ANO2: variants seen among roughly 807,000 people sequenced by gnomAD.
ANO2 encodes the protein anoctamin-2.
In ANO2, 101 loss-of-function variants were observed where a neutral mutation model predicts 124.2. The observed-to-expected ratio is 0.81, with a 90% CI of 0.69 to 0.96. The LOEUF (loss-of-function observed/expected upper bound fraction) is 0.96. Among genes scored for constraint, ANO2 ranks in the 40% least tolerant of loss-of-function variants. The pLI is 0.00. For synonymous variants in ANO2, 486 were observed against 482.5 expected, an observed-to-expected ratio of 1.01 and a Z score of -0.09; for missense variants, 1,293 against 1,274.5, an observed-to-expected ratio of 1.01 and a Z score of -0.22.
intron 3 of ANO2, among the ~76,000 whole-genome samples, chr12:5,895,586 A>C (rs6489671): frequency 0.19 from 29,076 of 152,060 alleles, 3,053 homozygotes; most frequent in Middle Eastern, 0.28. Flanking sequence ...ACAATGAGAT[A>C]CCACCTCACT....
intron 11 of ANO2, among the ~76,000 whole-genome samples, chr12:5,745,913 C>T (rs1463843380): frequency 6.6e-6 from 1 of 152,120 alleles, no homozygotes; most frequent in Admixed American, 6.5e-5. Flanking sequence ...CCTGTGTTTG[C>T]TATGTAGTTG....
Position 5,671,233 on chromosome 12 carries a change from C to T in ANO2, c.1546-23432G>A, listed in dbSNP as rs145811877. ...GAAATATGGGGGTTCCTCAAAGTCA[C>T]TATCATCATCTGTGGACATCTGCTG... is the stretch of plus-strand genomic sequence containing the variant. On this transcript the variant is annotated intron_variant, in intron 14 of 24. Transcript: ENST00000682330. Among the ~76,000 whole-genome samples, 1,020 of 152,186 alleles carry T rather than the reference C, an allele frequency of 6.7e-3. 12 individuals carry two copies. Among genetic ancestry groups the T allele is most frequent in the African/African-American group, 0.023 (953 of 41,508 alleles).
intron 20 of ANO2, among the ~76,000 whole-genome samples, chr12:5,582,871 C>T (rs573909211): frequency 1.3e-5 from 2 of 152,270 alleles, no homozygotes; most frequent in South Asian, 4.1e-4. Flanking sequence ...TCAAACTTCG[C>T]CTTCTGTATG....
chr12:5,693,464 C>G (rs541644524), intron 14 of ANO2, among the ~76,000 whole-genome samples: 1 of 152,286 alleles, frequency 6.6e-6, no homozygotes, highest in Non-Finnish European at 1.5e-5. Context: ...GTCACCTCCC[C>G]TTGGACCACT....
At chr12:5,747,111 C>CA (rs896137504) in intron 11 of ANO2, among the ~76,000 whole-genome samples, 1 of 152,176 alleles carries the variant, frequency 6.6e-6, no homozygotes, top group African/African-American at 2.4e-5. Context: ...AAGACGAAAC[C>CA]ACGGGAGGAA....
chr12:5,833,912 C>T lies in ANO2; in HGVS notation c.634-1309G>A, dbSNP rs895482797. Reference sequence around the variant, plus strand: ...ACCACTGCTTTAGAAGACAGGCAGCCTCAGCCTTGGTCCGCCTTATCCCTT... The same window carrying T: ...ACCACTGCTTTAGAAGACAGGCAGCTTCAGCCTTGGTCCGCCTTATCCCTT... On this transcript the variant is annotated intron_variant, in intron 4 of 24. Transcript: ENST00000682330. 2.8e-4 allele frequency among the ~76,000 whole-genome samples: 43 copies of T among 152,144 alleles called. 2 individuals carry two copies. Among genetic ancestry groups the T allele is most frequent in the East Asian group, 1.9e-4 (1 of 5,194 alleles).
At chr12:5,656,802 C>G (rs11063798) in intron 14 of ANO2, among the ~76,000 whole-genome samples, 2 of 152,218 alleles carry the variant, frequency 1.3e-5, no homozygotes, top group Non-Finnish European at 2.9e-5. Context: ...AGATCCCTCT[C>G]TATGTAAGGA....
chr12:5,815,343 C>T (rs1044649856), intron 7 of ANO2, among the ~76,000 whole-genome samples: 18 of 152,136 alleles, frequency 1.2e-4, no homozygotes, highest in Non-Finnish European at 2.1e-4. Context: ...GAAATCAGAG[C>T]AGTGTGGGGC....
Position 5,667,876 on chromosome 12 carries a change from C to T in ANO2, c.1546-20075G>A, listed in dbSNP as rs1591854376. 2.0e-5 allele frequency among the ~76,000 whole-genome samples: 3 copies of T among 152,354 alleles called. No individual in the cohort carries two copies. In the South Asian group the frequency reaches 6.2e-4, roughly 32 times the overall value. ...GCTCCATCCATGTCCCTGCAAAGAACATAATAACATTCCTTTCTATGGCTG... is the reference window on the plus strand; with the variant it reads ...GCTCCATCCATGTCCCTGCAAAGAATATAATAACATTCCTTTCTATGGCTG... On this transcript the variant is annotated intron_variant, in intron 14 of 24. Coordinates refer to ENST00000682330, the MANE Select transcript of ANO2 (RefSeq NM_001364791.2).
At chr12:5,924,383 C>T (rs151152880) in intron 1 of ANO2, among the ~76,000 whole-genome samples, 308 of 152,332 alleles carry the variant, frequency 2.0e-3, no homozygotes, top group Admixed American at 5.5e-3. Context: ...CTAGTCCACA[C>T]TGTGGGAGAC....
At chr12:5,565,926 A>G (rs568225597) in intron 23 of ANO2, among the ~76,000 whole-genome samples, 26 of 152,362 alleles carry the variant, frequency 1.7e-4, no homozygotes, top group African/African-American at 6.0e-4. Context: ...CCCAAAGCTT[A>G]CTTTGGTGTC....
chr12:5,837,015 C>G (rs80259531), intron 4 of ANO2, among the ~76,000 whole-genome samples: 3,184 of 152,280 alleles, frequency 0.021, 55 homozygotes, highest in Middle Eastern at 0.034. Context: ...TCTGGAGAAC[C>G]AGCATTGATG....
Position 5,853,209 on chromosome 12 carries a change from C to T in ANO2, c.633+834G>A, listed in dbSNP as rs185249946. On this transcript the variant is annotated intron_variant, in intron 4 of 24. Transcript: ENST00000682330. ...TAGAGGTGGGGTTTTGCTATGTTGC[C>T]CAGGCTGGTCTCAAACTTCTGACTT... Among the ~76,000 whole-genome samples, 11 of 142,490 alleles carry T rather than the reference C, an allele frequency of 7.7e-5. No individual in the cohort carries two copies. The East Asian group carries it at 2.3e-3, about 30-fold the overall frequency. The allele number at this position is 142,490 out of a possible 152,430, so 93.5% of individuals were successfully genotyped here.
chr12:5,889,180 C>T lies in ANO2; in HGVS notation c.534+31860G>A, dbSNP rs111928249. Among the ~76,000 whole-genome samples the T allele has an allele frequency of 3.8e-3, 580 of 152,334 alleles. 4 individuals carry two copies. The highest frequency in any genetic ancestry group is 0.013 in the African/African-American group (549 of 41,582). ...CAAGCCCACGCCCACCCAGAACTCG[C>T]GCTGGCCCCCAAGCGCCACGCGCAG... On this transcript the variant is annotated intron_variant, in intron 3 of 24. Coordinates refer to ENST00000682330, the MANE Select transcript of ANO2 (RefSeq NM_001364791.2).
At chr12:5,616,837 G>A (rs1944832797) in intron 16 of ANO2, among the ~76,000 whole-genome samples, 1 of 151,876 alleles carries the variant, frequency 6.6e-6, no homozygotes. Flanking sequence ...AGATCAGACT[G>A]TACAACACTC....
At chr12:5,613,069 G>C in intron 17 of ANO2, 111 bp from the exon 18 acceptor site, 1 of 1,069,804 alleles carries the variant, frequency 9.3e-7, no homozygotes, top group Non-Finnish European at 1.4e-6. Context: ...CGAAAGCACT[G>C]GTCAGGGCGA....
intron 10 of ANO2, among the ~76,000 whole-genome samples, chr12:5,775,277 A>ACG (rs1220721696): frequency 4.6e-5 from 7 of 152,144 alleles, no homozygotes; most frequent in Admixed American, 2.0e-4. Context: ...ACGTGCACAC[A>ACG]CACAGAGAGA....
At chr12:5,813,019 AG>A (rs1449984170) in intron 7 of ANO2, among the ~76,000 whole-genome samples, 65 of 151,142 alleles carry the variant, frequency 4.3e-4, no homozygotes, top group Non-Finnish European at 4.0e-4. Context: ...AGAGAGAGAA[AG>A]AAAAAAAGAA....
intron 1 of ANO2, among the ~76,000 whole-genome samples, chr12:5,933,281 C>T (rs1189547237): frequency 6.6e-6 from 1 of 152,198 alleles, no homozygotes; most frequent in Non-Finnish European, 1.5e-5. Flanking sequence ...CCTGCAGCTC[C>T]CAGAAGGTGA....
Sources: allele counts gnomAD v4.1 joint callset (sites outside exome capture counted in the v4.1 genomes callset), GRCh38; gene constraint gnomAD v4.1.1; transcripts MANE v1.5; gene names NCBI Gene and HGNC (gene_info 2026-07-23, HGNC 2026-07-21).